Variants in LRRC49 observed in about 807,000 individuals in gnomAD.
LRRC49 encodes leucine rich repeat containing 49.
Under a neutral mutation model 83.3 loss-of-function variants are expected in LRRC49, and 50 were observed. The ratio of observed to expected loss-of-function variants is 0.60; its 90% confidence interval spans 0.48 to 0.76. LRRC49 has a LOEUF of 0.76. Among genes scored for constraint, LRRC49 ranks in the 30% least tolerant of loss-of-function variants. The pLI is 0.00. For missense variants in LRRC49, 704 were observed against 809.1 expected (o/e 0.87, Z 1.58); for synonymous variants, 286 against 283.3 (o/e 1.01, Z -0.10).
At chr15:70,899,264 C>A (rs1209582417) in intron 3 of LRRC49, among the ~76,000 whole-genome samples, 1 of 152,148 alleles carries the variant, frequency 6.6e-6, no homozygotes, top group African/African-American at 2.4e-5. Flanking sequence ...CTAACTAATG[C>A]TAACAAGAGA....
In LRRC49 at chr15:70,856,317, T is replaced by G. The variant is rs1028260581; in HGVS notation, c.-299+2848T>G. Among the ~76,000 whole-genome samples the G allele has an allele frequency of 7.2e-5, 11 of 152,322 alleles. No individual in the cohort carries two copies. In the South Asian group the frequency reaches 2.3e-3, roughly 32 times the overall value. On this transcript the variant is annotated intron_variant, in intron 1 of 16. Coordinates refer to the LRRC49 transcript ENST00000544974. ...CTGCCTATGTTGTTTCTGTTATTAC[T>G]TATTTCTGACTCCTCATAAAGGAAT... is the stretch of plus-strand genomic sequence containing the variant.
intron 15 of LRRC49, among the ~76,000 whole-genome samples, chr15:71,042,161 A>G (rs1002692696): frequency 1.4e-4 from 22 of 152,042 alleles, no homozygotes; most frequent in African/African-American, 5.1e-4. Flanking sequence ...ATTCAAGGTG[A>G]TTGTGTTTTT....
At chr15:70,906,466 T>C (rs1055207414) in intron 5 of LRRC49, among the ~76,000 whole-genome samples, 3 of 152,218 alleles carry the variant, frequency 2.0e-5, no homozygotes, top group African/African-American at 7.2e-5. Context: ...CAGTTATTCT[T>C]TAATATCATT....
At chr15:70,877,131 A>G (rs2141080748) in intron 2 of LRRC49, among the ~76,000 whole-genome samples, 1 of 152,166 alleles carries the variant, frequency 6.6e-6, no homozygotes, top group East Asian at 1.9e-4. Context: ...TTACAATTCC[A>G]CCTATTTTGT....
In LRRC49 at chr15:70,936,841, G is replaced by C. The variant is rs760292110; in HGVS notation, c.773+19G>C. On this transcript the variant is annotated intron_variant, in intron 8 of 15. Coordinates refer to ENST00000260382, the MANE Select transcript of LRRC49 (RefSeq NM_017691.5). Reference sequence around the variant, plus strand: ...TATCTAGGTAAGTGGAAACTCCCAAGTTGTCATTCATTATAACTTGATTGT... The same window carrying C: ...TATCTAGGTAAGTGGAAACTCCCAACTTGTCATTCATTATAACTTGATTGT... 4.0e-5 allele frequency: 62 copies of C among 1,544,404 alleles called. No homozygotes were observed. In the African/African-American group the frequency reaches 6.1e-4, roughly 15 times the overall value.
intron 11 of LRRC49, among the ~76,000 whole-genome samples, chr15:70,990,756 T>C (rs947670267): frequency 6.6e-6 from 1 of 152,246 alleles, no homozygotes; most frequent in Admixed American, 6.5e-5. Flanking sequence ...AGACCGGAGC[T>C]GTTCCTATTC....
intron 7 of LRRC49, among the ~76,000 whole-genome samples, chr15:70,933,331 A>G (rs2141153232): frequency 6.6e-6 from 1 of 152,274 alleles, no homozygotes; most frequent in Middle Eastern, 3.4e-3. Context: ...ATATTCCCCT[A>G]CATGTAAACA....
intron 14 of LRRC49, among the ~76,000 whole-genome samples, chr15:71,031,925 T>A (rs969329487): frequency 5.3e-5 from 8 of 152,188 alleles, no homozygotes; most frequent in Non-Finnish European, 1.0e-4. Flanking sequence ...CTTAGCTTGC[T>A]GGACTCTGTG....
chr15:70,923,016 T>C (rs996061317), intron 7 of LRRC49, among the ~76,000 whole-genome samples: 4 of 152,052 alleles, frequency 2.6e-5, no homozygotes, highest in Non-Finnish European at 5.9e-5. Flanking sequence ...CATAAAAGCA[T>C]TTAAGCCTAT....
upstream of LRRC49, among the ~76,000 whole-genome samples, chr15:70,890,353 C>T (rs1389767129): frequency 6.6e-6 from 1 of 152,094 alleles, no homozygotes; most frequent in African/African-American, 2.4e-5. Context: ...GACAGGTATA[C>T]AGCTTGGTGA....
Position 71,012,964 on chromosome 15 carries a change from A to G in LRRC49, c.1703+51A>G, listed in dbSNP as rs750415078. 14 of 1,185,868 alleles carry G rather than the reference A, an allele frequency of 1.2e-5. No individual in the cohort carries two copies. In the Admixed American group the frequency reaches 1.5e-4, roughly 13 times the overall value. The allele number at this position is 1,185,868 out of a possible 1,614,324, so 73.5% of individuals were successfully genotyped here. A position where few individuals can be genotyped will look rare whatever the true frequency, so the allele number is the denominator to read the frequency against. ...TATAGAATTACTGTTACACTAGAAA[A>G]AGAAATAAATTCCACATACCTCCTA... On this transcript the variant is annotated intron_variant, in intron 14 of 15. Transcript: ENST00000260382.
chr15:70,912,172 A>G (rs1374436331), intron 6 of LRRC49, among the ~76,000 whole-genome samples: 1 of 152,166 alleles, frequency 6.6e-6, no homozygotes, highest in Non-Finnish European at 1.5e-5. Flanking sequence ...TTATAGTTGT[A>G]TGTTCCATGG....
At position 71,050,046 on chromosome 15, in the gene LRRC49, A is replaced by C. The variant is rs2039972939; in HGVS notation, c.*434A>C. On this transcript the variant is annotated 3_prime_UTR_variant, in exon 16 of 16. Transcript: ENST00000260382. ...AAAAATATGTTCTTTTTATGAGTGA[A>C]GAATAAACTTACTAACAAATTAGTC... 6.4e-6 allele frequency: 1 copy of C among 155,524 alleles called. No individual in the cohort carries two copies. Among genetic ancestry groups the C allele is most frequent in the Non-Finnish European group, 1.4e-5 (1 of 70,396 alleles). The allele number at this position is 155,524 out of a possible 1,614,324, so 9.6% of individuals were successfully genotyped here.
intron 9 of LRRC49, among the ~76,000 whole-genome samples, chr15:70,975,796 CA>C (rs540783742): frequency 1.8e-3 from 250 of 142,410 alleles, no homozygotes; most frequent in African/African-American, 4.4e-3. Context: ...ATTTGCTCTC[CA>C]AAAAAAAAAA....
intron 8 of LRRC49, among the ~76,000 whole-genome samples, chr15:70,948,898 A>G (rs375033192): frequency 1.3e-5 from 2 of 152,232 alleles, no homozygotes; most frequent in East Asian, 1.9e-4. Context: ...AATTGGTATC[A>G]TATACATGAT....
At chr15:70,894,545 T>G (rs1395318653) in intron 2 of LRRC49, 1 of 932,802 alleles carries the variant, frequency 1.1e-6, no homozygotes, top group Non-Finnish European at 1.4e-6. Context: ...ATAAACATGT[T>G]TTTCTTTCCT....
At chr15:70,854,099 A>C (rs900686079) in intron 1 of LRRC49, 1 of 1,261,342 alleles carries the variant, frequency 7.9e-7, no homozygotes, top group African/African-American at 1.6e-5. Flanking sequence ...GGCTCGCGGG[A>C]CTGCGGCGCC....
intron 11 of LRRC49, among the ~76,000 whole-genome samples, chr15:71,006,287 A>G (rs2038454989): frequency 6.6e-6 from 1 of 152,184 alleles, no homozygotes; most frequent in Non-Finnish European, 1.5e-5. Flanking sequence ...TGTGGAGCTT[A>G]TATTCTTAAA....
chr15:70,959,231 G>A (rs969668453), intron 8 of LRRC49, among the ~76,000 whole-genome samples: 6 of 152,100 alleles, frequency 3.9e-5, no homozygotes, highest in Admixed American at 3.3e-4. Context: ...GGTGGCTCAC[G>A]CCTGTAATCC....
Sources: allele counts gnomAD v4.1 joint callset (sites outside exome capture counted in the v4.1 genomes callset), GRCh38; gene constraint gnomAD v4.1.1; transcripts MANE v1.5; gene names NCBI Gene and HGNC (gene_info 2026-07-23, HGNC 2026-07-21).